VIPR1: variants seen among roughly 807,000 people sequenced by gnomAD.
VIPR1 encodes the protein vasoactive intestinal polypeptide receptor 1.
In VIPR1, 59 loss-of-function variants were observed where a neutral mutation model predicts 58.8. That is an observed-to-expected ratio of 1.00 (90% CI 0.81 to 1.25). The LOEUF (loss-of-function observed/expected upper bound fraction) is 1.25, where lower values mean the gene tolerates loss of function less well. Among genes scored for constraint, VIPR1 ranks in the 50% most tolerant of loss-of-function variants. VIPR1 has a pLI of 0.00. For synonymous variants in VIPR1, 251 were observed against 242.1 expected (o/e 1.04, Z -0.34); for missense variants, 626 against 602.7 (o/e 1.04, Z -0.40).
chr3:42,499,583 C>A (rs541878106), upstream of VIPR1, among the ~76,000 whole-genome samples: 5 of 152,246 alleles, frequency 3.3e-5, no homozygotes, highest in African/African-American at 1.2e-4. Context: ...ACAGACCCCC[C>A]CAGGGAGGAA....
chr3:42,526,015 C>A (rs539066765), intron 4 of VIPR1, 22 bp downstream of exon 4: 2 of 1,598,578 alleles, frequency 1.3e-6, no homozygotes, highest in East Asian at 2.3e-5. Flanking sequence ...GGCACCCCCA[C>A]CTCACCTGCA....
At chr3:42,502,490 T>C (rs1423207085), upstream of VIPR1, 1 of 349,366 alleles carries the variant, frequency 2.9e-6, no homozygotes, top group Non-Finnish European at 5.1e-6. Flanking sequence ...GCTTCCTCAC[T>C]GGCAGGGGCT....
In VIPR1 at chr3:42,536,367, G is replaced by C. The variant is rs1343171953; in HGVS notation, c.*86G>C. 6.5e-6 allele frequency: 9 copies of C among 1,393,384 alleles called. No individual in the cohort carries two copies. The highest frequency in any genetic ancestry group is 1.5e-5 in the African/African-American group (1 of 66,828). The allele number at this position is 1,393,384 out of a possible 1,614,324, so 86.3% of individuals were successfully genotyped here. ...ACGCCGGGGACAGAGGCCTGCCCGG[G>C]CGCGGCCAGCCCCGGCCCTGGGCTC... is the stretch of plus-strand genomic sequence containing the variant. On this transcript the variant is annotated 3_prime_UTR_variant, in exon 13 of 13. Transcript: ENST00000325123.
chr3:42,532,677 G>C (rs1701634469), intron 10 of VIPR1: 6 of 380,664 alleles, frequency 1.6e-5, no homozygotes, highest in Admixed American at 7.5e-5. Context: ...GCCTCACATG[G>C]AAAAAGGGTG....
chr3:42,514,825 A>T (rs1055847088), intron 2 of VIPR1, among the ~76,000 whole-genome samples: 1 of 152,190 alleles, frequency 6.6e-6, no homozygotes, highest in East Asian at 1.9e-4. Context: ...ATCAGGACAG[A>T]TGACAGCACC....
At chr3:42,527,743 C>A in intron 5 of VIPR1, 1 of 643,784 alleles carries the variant, frequency 1.6e-6, no homozygotes, top group Non-Finnish European at 2.7e-6. Context: ...AGAGTGGGGC[C>A]TGCACACAGG....
intron 3 of VIPR1, among the ~76,000 whole-genome samples, chr3:42,522,510 G>A (rs1701003611): frequency 6.6e-6 from 1 of 152,130 alleles, no homozygotes; most frequent in Non-Finnish European, 1.5e-5. Flanking sequence ...TGTCTGTGGG[G>A]TCTATGGGAT....
upstream of VIPR1, among the ~76,000 whole-genome samples, chr3:42,499,577 A>AC (rs376205156): frequency 5.9e-5 from 9 of 151,290 alleles, no homozygotes; most frequent in African/African-American, 9.7e-5. Context: ...TTCAGAACAG[A>AC]CCCCCCCAGG....
chr3:42,512,591 G>C (rs185991155), intron 1 of VIPR1, among the ~76,000 whole-genome samples: 1 of 152,232 alleles, frequency 6.6e-6, no homozygotes, highest in East Asian at 1.9e-4. Flanking sequence ...GGTGGTTGAG[G>C]CCCACGTAGC....
intron 7 of VIPR1, 38 bp downstream of exon 7, chr3:42,530,970 G>A (rs761589250): frequency 3.1e-6 from 5 of 1,610,342 alleles, no homozygotes. Flanking sequence ...TGGGGACAGA[G>A]GGGGCAAGGC....
At chr3:42,532,657 C>G in intron 10 of VIPR1, 1 of 430,586 alleles carries the variant, frequency 2.3e-6, no homozygotes, top group South Asian at 3.0e-5. Flanking sequence ...GTGCCCAGTC[C>G]CTGGCATGTG....
rs1699928422 is a variant in VIPR1, at chr3:42,502,810, G to A, written c.75G>A (p.Pro25=). 1.6e-6 allele frequency: 2 copies of A among 1,264,868 alleles called. No individual in the cohort carries two copies. Among genetic ancestry groups the A allele is most frequent in the Non-Finnish European group, 9.9e-7 (1 of 1,006,482 alleles). The allele number at this position is 1,264,868 out of a possible 1,614,324, so 78.4% of individuals were successfully genotyped here. Residue 25 remains proline (P), a synonymous_variant, in exon 1 of 13, where the codon CCG becomes CCA. Transcript: ENST00000325123. The part of the protein sequence containing the change: ...LAGALAWALG[P]AGGQAARLQE... ...GCGCCCTCGCCTGGGCCCTTGGGCC[G>A]GCGGTGAGTGTTCGCCCGGCCGCCC...
chr3:42,536,000 G>A (rs1252129125), intron 12 of VIPR1, 90 bp from the exon 13 acceptor site: 3 of 1,395,730 alleles, frequency 2.1e-6, no homozygotes, highest in East Asian at 5.1e-5. Flanking sequence ...GAATAAGACT[G>A]GCTAGTTCAG....
chr3:42,495,969 T>C (rs2125624523), intron 1 of VIPR1, among the ~76,000 whole-genome samples: 1 of 152,142 alleles, frequency 6.6e-6, no homozygotes, highest in East Asian at 1.9e-4. Flanking sequence ...TATGGACTTC[T>C]GACTCTAGAA....
intron 1 of VIPR1, among the ~76,000 whole-genome samples, chr3:42,504,013 C>T (rs1012974937): frequency 7.2e-5 from 11 of 152,134 alleles, no homozygotes; most frequent in African/African-American, 1.2e-4. Context: ...GTCCTAGGAG[C>T]GGACCTCTGA....
rs193233046 is a variant in VIPR1 at position 42,513,759 on chromosome 3, C to A, written c.89C>A (p.Ala30Glu). 7 of 1,551,378 alleles carry A rather than the reference C, an allele frequency of 4.5e-6. No individual in the cohort carries two copies. Among genetic ancestry groups the A allele is most frequent in the Non-Finnish European group, 5.2e-6 (6 of 1,146,844 alleles). ...TGTCTTTGTTCTCAGGGCGGCCAGGCGGCCAGGCTGCAGGAGGAGTGTGAC... is the reference window on the plus strand; with the variant it reads ...TGTCTTTGTTCTCAGGGCGGCCAGGAGGCCAGGCTGCAGGAGGAGTGTGAC... Reference protein sequence around the residue: ...AWALGPAGGQAARLQEECDYV... With the variant: ...AWALGPAGGQEARLQEECDYV... The change falls in exon 2 of 13, where the codon GCG (alanine) becomes GAG (glutamate). Residue 30 changes from alanine (A) to glutamate (E), a missense_variant. By Grantham distance (107) the Ala-to-Glu change is moderately radical. Transcript: ENST00000325123.
Position 42,530,923 on chromosome 3 carries a change from A to T in VIPR1, c.781A>T (p.Ile261Phe). ...GAAGTACTTCTGGGGGTACATACTCATCGGCTGGGGTATGGTACCAGGGAG... is the reference window on the plus strand; with the variant it reads ...GAAGTACTTCTGGGGGTACATACTCTTCGGCTGGGGTATGGTACCAGGGAG... ...ERKYFWGYIL[I>F]GWGVPSTFTM... The change falls in exon 7 of 13, where the codon ATC (isoleucine) becomes TTC (phenylalanine). Residue 261 changes from isoleucine (I) to phenylalanine (F), a missense_variant. Transcript: ENST00000325123. 1 of 1,613,880 alleles carries T rather than the reference A, an allele frequency of 6.2e-7. No homozygotes were observed. Among genetic ancestry groups the T allele is most frequent in the South Asian group, 1.1e-5 (1 of 91,070 alleles).
At chr3:42,523,691 T>G (rs1313838317) in intron 3 of VIPR1, among the ~76,000 whole-genome samples, 1 of 151,956 alleles carries the variant, frequency 6.6e-6, no homozygotes, top group African/African-American at 2.4e-5. Context: ...TTTGCTGGCA[T>G]AATTCATGAT....
intron 3 of VIPR1, among the ~76,000 whole-genome samples, chr3:42,523,713 G>T (rs1419773480): frequency 3.3e-5 from 5 of 151,988 alleles, no homozygotes; most frequent in Admixed American, 2.0e-4. Flanking sequence ...CCAGATGCTT[G>T]CCATGTCATT....
Sources: gnomAD v4.1 joint callset for allele counts (sites outside exome capture counted in the v4.1 genomes callset) on GRCh38, gnomAD v4.1.1 for gene constraint, MANE v1.5 for transcripts, NCBI Gene and HGNC (gene_info 2026-07-23, HGNC 2026-07-21) for gene names.